IRAG2: variants seen among roughly 807,000 people sequenced by gnomAD.
IRAG2 encodes lymphoid restricted membrane protein.
Under a neutral mutation model 69.9 loss-of-function variants are expected in IRAG2, and 45 were observed. The ratio of observed to expected loss-of-function variants is 0.64; its 90% confidence interval spans 0.51 to 0.83. IRAG2 has a LOEUF of 0.83. IRAG2 is among the 40% of genes least tolerant of loss of function. The probability of loss-of-function intolerance (pLI) is 0.00; values close to 1 mark genes in which losing one functional copy is unlikely to be tolerated. For synonymous variants in IRAG2, 193 were observed against 202.4 expected (o/e 0.95, Z 0.40); for missense variants, 520 against 587.0 (o/e 0.89, Z 1.18).
In IRAG2 at chr12:25,104,363, G is replaced by C; in HGVS notation, c.1049G>C (p.Arg350Pro). The C allele has an allele frequency of 6.3e-7, 1 of 1,596,256 alleles. No individual in the cohort carries two copies. Among genetic ancestry groups the C allele is most frequent in the Non-Finnish European group, 8.6e-7 (1 of 1,163,802 alleles). Residue 350 changes from arginine to proline, a missense_variant and splice_region_variant, in exon 20 of 22, where the codon CGT (arginine) becomes CCT (proline). By Grantham distance (103) the Arg-to-Pro change is moderately radical. Transcript: ENST00000556887. ...TGGCTATAATCATCTTTATTTAGGC[G>C]TATTTTGGGGTCAAAGCAGAGTGAA... ...DRFSRRSSSW[R>P]ILGSKQSEHR...
At chr12:25,003,460 C>A (rs1944407550), upstream of IRAG2, among the ~76,000 whole-genome samples, 1 of 152,032 alleles carries the variant, frequency 6.6e-6, no homozygotes, top group Admixed American at 6.6e-5. Flanking sequence ...ACCCTCCCAC[C>A]CCCACCTCCT....
intron 10 of IRAG2, among the ~76,000 whole-genome samples, chr12:25,086,428 G>A (rs1302478329): frequency 6.6e-6 from 1 of 152,196 alleles, no homozygotes; most frequent in Non-Finnish European, 1.5e-5. Flanking sequence ...GCTGATCTGA[G>A]ACATTGATAG....
chr12:25,050,235 A>G (rs1371569981), upstream of IRAG2, among the ~76,000 whole-genome samples: 1 of 151,708 alleles, frequency 6.6e-6, no homozygotes, highest in Non-Finnish European at 1.5e-5. Context: ...GGCACTATAG[A>G]AAATGTTATG....
intron 14 of IRAG2, chr12:25,094,004 A>AT (rs1427540213): frequency 6.6e-6 from 1 of 152,140 alleles, no homozygotes; most frequent in Non-Finnish European, 1.5e-5. Context: ...TATCAGTCGT[A>AT]TGGTTTGAAA....
At chr12:25,001,895 G>C (rs182551702), upstream of IRAG2, among the ~76,000 whole-genome samples, 1 of 151,354 alleles carries the variant, frequency 6.6e-6, no homozygotes, top group East Asian at 1.9e-4. Flanking sequence ...TCAGCCTCCT[G>C]AGTAGCTGGG....
At chr12:25,016,367 T>C (rs1177402230) in intron 5 of IRAG2, among the ~76,000 whole-genome samples, 1 of 152,180 alleles carries the variant, frequency 6.6e-6, no homozygotes, top group East Asian at 1.9e-4. Flanking sequence ...TGACAAGTTA[T>C]ACAAAACATT....
chr12:25,078,944 G>A (rs143339932), intron 6 of IRAG2, among the ~76,000 whole-genome samples: 26 of 152,292 alleles, frequency 1.7e-4, no homozygotes, highest in Admixed American at 1.3e-3. Context: ...TGACTTAAGC[G>A]TATGAAATAA....
intron 9 of IRAG2, among the ~76,000 whole-genome samples, chr12:25,027,116 T>C (rs554219595): frequency 8.8e-4 from 134 of 152,218 alleles, no homozygotes; most frequent in African/African-American, 3.1e-3. Flanking sequence ...GTCAGTGTGT[T>C]TTAGTACGTT....
At chr12:25,014,759 A>G (rs1944507056) in intron 3 of IRAG2, among the ~76,000 whole-genome samples, 1 of 151,726 alleles carries the variant, frequency 6.6e-6, no homozygotes, top group South Asian at 2.1e-4. Flanking sequence ...TTCCTTCTCA[A>G]TCTCTTAAGC....
chr12:25,075,495 A>C (rs1318449178), intron 6 of IRAG2, among the ~76,000 whole-genome samples: 1 of 151,002 alleles, frequency 6.6e-6, no homozygotes, highest in Non-Finnish European at 1.5e-5. Context: ...CTAAATATTG[A>C]AATAATATTG....
chr12:25,095,082 G>C (rs1389127734), intron 14 of IRAG2, among the ~76,000 whole-genome samples: 1 of 151,960 alleles, frequency 6.6e-6, no homozygotes, highest in African/African-American at 2.4e-5. Flanking sequence ...TTGCCTAATT[G>C]TTCTGGCTAG....
At chr12:25,089,951 TGG>T in intron 13 of IRAG2, 104 bp from the exon 14 acceptor site, 1 of 1,345,518 alleles carries the variant, frequency 7.4e-7, no homozygotes, top group African/African-American at 1.4e-5. Flanking sequence ...ATTATGTTGC[TGG>T]GGGGAGAAAG....
intron 6 of IRAG2, among the ~76,000 whole-genome samples, chr12:25,074,358 T>C (rs1046890316): frequency 3.3e-5 from 5 of 152,128 alleles, no homozygotes; most frequent in African/African-American, 1.2e-4. Context: ...TTCCCAACAT[T>C]TCCAGTGAGT....
chr12:25,036,607 C>T (rs773750458), exon 15 of IRAG2: 1 of 398,858 alleles, frequency 2.5e-6, no homozygotes, highest in Non-Finnish European at 4.4e-6. Flanking sequence ...TCTAAAATTG[C>T]AACCCTCATT....
chr12:25,041,443 G>C (rs552505076), intron 16 of IRAG2, among the ~76,000 whole-genome samples: 86 of 152,162 alleles, frequency 5.7e-4, no homozygotes, highest in African/African-American at 2.0e-3. Flanking sequence ...GAGGGCAAAA[G>C]TGAAAGCAGT....
chr12:25,093,647 G>C (rs1022930732), intron 14 of IRAG2: 1 of 153,542 alleles, frequency 6.5e-6, no homozygotes, highest in African/African-American at 2.4e-5. Context: ...ACAATATTTG[G>C]AGAATTCTTC....
chr12:25,002,263 T>G (rs2139810397), upstream of IRAG2, among the ~76,000 whole-genome samples: 1 of 152,328 alleles, frequency 6.6e-6, no homozygotes, highest in East Asian at 1.9e-4. Context: ...CCAGAAAAGG[T>G]GATCCTGAAA....
intron 9 of IRAG2, chr12:25,030,247 A>G (rs1288295106): frequency 4.1e-6 from 5 of 1,226,994 alleles, no homozygotes; most frequent in Non-Finnish European, 4.1e-6. Flanking sequence ...GCAATGTCCC[A>G]ACGGCCTTCC....
chr12:25,059,785 C>T (rs1565544603), intron 1 of IRAG2, among the ~76,000 whole-genome samples: 3 of 150,940 alleles, frequency 2.0e-5, no homozygotes, highest in African/African-American at 7.3e-5. Context: ...TTATTTTTAC[C>T]AAAAAAAAGT....
Sources: gnomAD v4.1 joint callset for allele counts (sites outside exome capture counted in the v4.1 genomes callset) on GRCh38, gnomAD v4.1.1 for gene constraint, MANE v1.5 for transcripts, NCBI Gene and HGNC (gene_info 2026-07-23, HGNC 2026-07-21) for gene names.